TBC1D8: variants seen among roughly 807,000 people sequenced by gnomAD.
The protein encoded by TBC1D8 is BUB2-like protein 1.
In TBC1D8, 65 loss-of-function variants were observed where a neutral mutation model predicts 118.8. The observed-to-expected ratio is 0.55, with a 90% CI of 0.45 to 0.67. The LOEUF is 0.67. TBC1D8 is among the 30% of genes least tolerant of loss of function. The pLI, the probability that TBC1D8 is intolerant of heterozygous loss-of-function variation, is 0.00. For synonymous variants in TBC1D8, 566 were observed against 595.8 expected (o/e 0.95, Z 0.73); for missense variants, 1,376 against 1,471.2 (o/e 0.94, Z 1.06).
At chr2:101,021,424 G>A (rs1430462821) in intron 17 of TBC1D8, among the ~76,000 whole-genome samples, 1 of 152,124 alleles carries the variant, frequency 6.6e-6, no homozygotes, top group African/African-American at 2.4e-5. Flanking sequence ...CCAGGGTGTT[G>A]GAAACCAGGG....
chr2:101,127,204 CA>C (rs1678392692), intron 1 of TBC1D8, among the ~76,000 whole-genome samples: 1 of 152,036 alleles, frequency 6.6e-6, no homozygotes. Flanking sequence ...GGCGTGGTGG[CA>C]GGTGCCTGTA....
intron 17 of TBC1D8, among the ~76,000 whole-genome samples, chr2:101,018,487 A>AT (rs1231415001): frequency 3.3e-5 from 5 of 152,222 alleles, no homozygotes; most frequent in Non-Finnish European, 1.5e-5. Context: ...TTGGTTATGT[A>AT]TAAGACCTCA....
rs143412648 is a variant in TBC1D8 at position 101,012,787 on chromosome 2, C to G, written c.2828-1247G>C. Among the ~76,000 whole-genome samples the G allele has an allele frequency of 3.9e-5, 6 of 152,256 alleles. No individual in the cohort carries two copies. In the East Asian group the frequency reaches 1.2e-3, roughly 29 times the overall value. On this transcript the variant is annotated intron_variant, in intron 17 of 19. Coordinates refer to ENST00000409318, the MANE Select transcript of TBC1D8 (RefSeq NM_001330348.2). Reference sequence around the variant, plus strand: ...TGGAACTTATTCGTAAACCATTTCACTGAAAATAAATCAAAGGCAAAATTC... The same window carrying G: ...TGGAACTTATTCGTAAACCATTTCAGTGAAAATAAATCAAAGGCAAAATTC...
intron 1 of TBC1D8, among the ~76,000 whole-genome samples, chr2:101,143,339 A>G (rs141618445): frequency 1.2e-3 from 184 of 152,018 alleles, no homozygotes; most frequent in African/African-American, 4.0e-3. Context: ...GGGATTACAG[A>G]CATGAGCCAC....
intron 1 of TBC1D8, among the ~76,000 whole-genome samples, chr2:101,126,999 G>A (rs1678384332): frequency 6.6e-6 from 1 of 152,166 alleles, no homozygotes; most frequent in Non-Finnish European, 1.5e-5. Context: ...CTCCTCATAG[G>A]TATTGGAATT....
intron 1 of TBC1D8, among the ~76,000 whole-genome samples, chr2:101,121,001 C>A (rs1165788929): frequency 6.6e-6 from 1 of 152,098 alleles, no homozygotes; most frequent in Non-Finnish European, 1.5e-5. Flanking sequence ...ACTCCTTAGC[C>A]CTATTAAATT....
chr2:101,009,540 GA>G lies in TBC1D8; in HGVS notation c.3016-1268del, dbSNP rs779909753. Among the ~76,000 whole-genome samples the G allele has an allele frequency of 6.7e-4, 101 of 150,320 alleles. 1 individual carries two copies. In the East Asian group the frequency reaches 0.016, roughly 23 times the overall value. On this transcript the variant is annotated intron_variant, in intron 19 of 19. Transcript: ENST00000409318. Reference sequence around the variant, plus strand: ...CGTTTTGTTTGAAACATCATCTATAGAAAAAAAAAGGTTATGTGTATCAGAA... The same window carrying G: ...CGTTTTGTTTGAAACATCATCTATAGAAAAAAAAGGTTATGTGTATCAGAA...
At position 101,090,292 on chromosome 2, in the gene TBC1D8, T is replaced by G; in HGVS notation, c.200A>C (p.Gln67Pro). 1 of 1,613,964 alleles carries G rather than the reference T, an allele frequency of 6.2e-7. No individual in the cohort carries two copies. The highest frequency in any genetic ancestry group is 1.1e-5 in the South Asian group (1 of 91,090). Residue 67 changes from glutamine to proline, a missense_variant, in exon 2 of 20, where the codon CAA (glutamine) becomes CCA (proline). Gln to Pro is a moderately conservative substitution (Grantham distance 76). Coordinates refer to ENST00000409318, the MANE Select transcript of TBC1D8 (RefSeq NM_001330348.2). ...AGAATAAACCTGGGAGCCGGGAACT[T>G]GAAGCAGAATTCGAAATGGAGCGAC... ...ARVAPFRILL[Q>P]VPGSQVYSPI...
rs1275311781 is a variant in TBC1D8, at chr2:101,038,664, GA to G, written c.1081-10del. The G allele has an allele frequency of 1.5e-5, 24 of 1,613,556 alleles. No individual in the cohort carries two copies. The highest frequency in any genetic ancestry group is 1.7e-4 in the Middle Eastern group (1 of 6,060). ...TTCTCGATGCTCACCACCTGCGCGA[GA>G]GGCAACATGCAGGGACAGAAGGGCG... On this transcript the variant is annotated splice_polypyrimidine_tract_variant and intron_variant, in intron 6 of 19. Coordinates refer to ENST00000409318, the MANE Select transcript of TBC1D8 (RefSeq NM_001330348.2).
rs562044309 is a variant in TBC1D8 at position 101,140,963 on chromosome 2, C to T, written c.127+10164G>A. 5.3e-5 allele frequency among the ~76,000 whole-genome samples: 8 copies of T among 152,008 alleles called. No homozygotes were observed. In the South Asian group the frequency reaches 1.0e-3, roughly 20 times the overall value. ...TTTTAGTAAAGACGGGGTTTCACCA[C>T]GTTGGCCAGGCTGGTCTCAAACCTC... On this transcript the variant is annotated intron_variant, in intron 1 of 19. Coordinates refer to ENST00000409318, the MANE Select transcript of TBC1D8 (RefSeq NM_001330348.2).
intron 2 of TBC1D8, among the ~76,000 whole-genome samples, chr2:101,082,921 A>G (rs1675362238): frequency 6.6e-6 from 1 of 152,242 alleles, no homozygotes; most frequent in South Asian, 2.1e-4. Flanking sequence ...TGGTTAAGAC[A>G]GTCAATTTTA....
At position 101,007,494 on chromosome 2, in the gene TBC1D8, C is replaced by T. The variant is rs1678813973; in HGVS notation, c.*327G>A. The T allele has an allele frequency of 4.1e-6, 1 of 245,636 alleles. No individual in the cohort carries two copies. The highest frequency in any genetic ancestry group is 7.8e-6 in the Non-Finnish European group (1 of 128,316). 15.2% of individuals were successfully genotyped at this position (245,636 alleles called of 1,614,324 possible). A position where few individuals can be genotyped will look rare whatever the true frequency, so the allele number is the denominator to read the frequency against. ...AAATGAAAGCATGGGGCTTTTCTTG[C>T]TTCTTGGTTAGTATGAGACATTGTG... On this transcript the variant is annotated 3_prime_UTR_variant, in exon 20 of 20. Transcript: ENST00000409318.
chr2:101,055,585 T>C (rs925352351), intron 3 of TBC1D8, among the ~76,000 whole-genome samples: 4 of 152,156 alleles, frequency 2.6e-5, no homozygotes, highest in South Asian at 4.1e-4. Flanking sequence ...AAATCTATAA[T>C]TTTTTGCCAA....
intron 2 of TBC1D8, among the ~76,000 whole-genome samples, chr2:101,084,198 G>C (rs1421975232): frequency 6.6e-6 from 1 of 152,172 alleles, no homozygotes; most frequent in East Asian, 1.9e-4. Context: ...GAGGACCCAG[G>C]GAAGCTGGCA....
chr2:101,093,374 C>T (rs540870873), intron 1 of TBC1D8, among the ~76,000 whole-genome samples: 1 of 152,276 alleles, frequency 6.6e-6, no homozygotes, highest in East Asian at 1.9e-4. Flanking sequence ...CATACACACA[C>T]ACATATACAT....
rs560421149 is a variant in TBC1D8, at chr2:101,064,936, G to A, written c.284-5397C>T. The stretch of plus-strand genomic sequence containing the variant: ...GCAAAGTGAAAAAAATAACCAACCC[G>A]AAAGCCAATTCATCTGACTCGGGCC... On this transcript the variant is annotated intron_variant, in intron 2 of 19. Coordinates refer to ENST00000409318, the MANE Select transcript of TBC1D8 (RefSeq NM_001330348.2). Among the ~76,000 whole-genome samples, 36 of 152,218 alleles carry A rather than the reference G, an allele frequency of 2.4e-4. No individual in the cohort carries two copies. In the South Asian group the frequency reaches 3.7e-3, roughly 16 times the overall value.
intron 5 of TBC1D8, among the ~76,000 whole-genome samples, chr2:101,048,200 C>A (rs912669975): frequency 1.3e-5 from 2 of 152,208 alleles, no homozygotes; most frequent in African/African-American, 4.8e-5. Flanking sequence ...GGGCTTCCTG[C>A]AACTTTCCCA....
rs11296257 is a variant in TBC1D8 at position 101,111,916 on chromosome 2, T to TA, written c.128-21553dup. On this transcript the variant is annotated intron_variant, in intron 1 of 19. Coordinates refer to ENST00000409318, the MANE Select transcript of TBC1D8 (RefSeq NM_001330348.2). ...AATGTTGTGTACTTGACCATAGTTT[T>TA]AAAAAAAAAAAAAAAACCTGTGAAA... Among the ~76,000 whole-genome samples, 113 of 146,590 alleles carry TA rather than the reference T, an allele frequency of 7.7e-4. No homozygotes were observed. In the East Asian group the frequency reaches 0.012, roughly 16 times the overall value.
intron 1 of TBC1D8, among the ~76,000 whole-genome samples, chr2:101,098,784 T>G (rs1676638898): frequency 6.6e-6 from 1 of 152,002 alleles, no homozygotes; most frequent in African/African-American, 2.4e-5. Context: ...ATTATGAAAT[T>G]ACAGCAGAAA....
Sources: allele counts gnomAD v4.1 joint callset (sites outside exome capture counted in the v4.1 genomes callset), GRCh38; gene constraint gnomAD v4.1.1; transcripts MANE v1.5; gene names NCBI Gene and HGNC (gene_info 2026-07-23, HGNC 2026-07-21).